SUMF1: variants seen among roughly 807,000 people sequenced by gnomAD.
The protein encoded by SUMF1 is formylglycine-generating enzyme.
In SUMF1, 48 loss-of-function variants were observed where a neutral mutation model predicts 47.6. That is an observed-to-expected ratio of 1.01 (90% CI 0.80 to 1.28). The LOEUF is 1.28. Ranked by LOEUF, SUMF1 falls within the 50% of genes most tolerant of loss-of-function variation. The pLI is 0.00. For missense variants in SUMF1, 571 were observed against 485.4 expected (o/e 1.18, Z -1.66); for synonymous variants, 230 against 192.1 (o/e 1.20, Z -1.63).
At chr3:4,124,179 C>T (rs191878091) in intron 8 of SUMF1, among the ~76,000 whole-genome samples, 38 of 152,230 alleles carry the variant, frequency 2.5e-4, no homozygotes, top group African/African-American at 8.9e-4. Context: ...TTACACGCCA[C>T]CTCCCTGCAC....
intron 8 of SUMF1, among the ~76,000 whole-genome samples, chr3:4,209,486 T>C (rs1695732536): frequency 6.6e-6 from 1 of 152,138 alleles, no homozygotes; most frequent in East Asian, 1.9e-4. Context: ...AGTATTTAAA[T>C]TATTTAATCT....
At chr3:4,132,995 A>G (rs1477588376) in intron 8 of SUMF1, among the ~76,000 whole-genome samples, 3 of 152,138 alleles carry the variant, frequency 2.0e-5, no homozygotes, top group Non-Finnish European at 4.4e-5. Flanking sequence ...GAAAAAAACC[A>G]CAACCTGCTT....
At chr3:4,222,323 C>T (rs1696084318) in intron 8 of SUMF1, among the ~76,000 whole-genome samples, 1 of 152,068 alleles carries the variant, frequency 6.6e-6, no homozygotes, top group South Asian at 2.1e-4. Context: ...TGATCTTCCT[C>T]TACTGAACGC....
intron 1 of SUMF1, among the ~76,000 whole-genome samples, chr3:4,460,627 A>AGT (rs1171989853): frequency 3.5e-5 from 5 of 141,504 alleles, no homozygotes; most frequent in African/African-American, 5.3e-5. Context: ...TGTGTGTGAG[A>AGT]GTGTGTGTGT....
chr3:4,041,653 T>G (rs1272016614), intron 9 of SUMF1, among the ~76,000 whole-genome samples: 1 of 152,166 alleles, frequency 6.6e-6, no homozygotes, highest in East Asian at 1.9e-4. Flanking sequence ...AGTAGCATTT[T>G]TATGCGTAGG....
At chr3:4,130,732 G>T (rs1693769402) in intron 8 of SUMF1, among the ~76,000 whole-genome samples, 1 of 151,966 alleles carries the variant, frequency 6.6e-6, no homozygotes, top group South Asian at 2.1e-4. Flanking sequence ...GAGGCACAAT[G>T]CCTAGTGACC....
At chr3:4,376,160 C>T (rs565582145) in intron 8 of SUMF1, among the ~76,000 whole-genome samples, 170 bp downstream of exon 8, 2 of 152,208 alleles carry the variant, frequency 1.3e-5, no homozygotes, top group African/African-American at 4.8e-5. Flanking sequence ...TTACTTTTCT[C>T]CATGCTTGTA....
intron 8 of SUMF1, among the ~76,000 whole-genome samples, chr3:4,268,974 T>C (rs1464531499): frequency 3.3e-5 from 5 of 152,138 alleles, no homozygotes; most frequent in East Asian, 3.9e-4. Context: ...AAACTGTTCA[T>C]AGGTCTAAAA....
intron 8 of SUMF1, among the ~76,000 whole-genome samples, chr3:4,186,191 C>T (rs540586207): frequency 3.3e-5 from 5 of 152,228 alleles, no homozygotes; most frequent in Non-Finnish European, 7.4e-5. Context: ...AACCTAGAGG[C>T]TCATGCTAAT....
At chr3:4,065,064 C>G (rs1368637975) in intron 9 of SUMF1, among the ~76,000 whole-genome samples, 2 of 152,142 alleles carry the variant, frequency 1.3e-5, no homozygotes, top group African/African-American at 4.8e-5. Context: ...CCTAGTAACT[C>G]TGATTTATGG....
chr3:4,245,323 T>C (rs1172301881), intron 8 of SUMF1, among the ~76,000 whole-genome samples: 1 of 152,096 alleles, frequency 6.6e-6, no homozygotes, highest in Non-Finnish European at 1.5e-5. Context: ...GGCTTTCTGG[T>C]TTTTGAAATT....
chr3:4,291,375 C>G lies in SUMF1; in HGVS notation c.1014+84955G>C, dbSNP rs183511533. ...GCTTGAAATCCATCTCTCTCTCCCCCTCATCTCTGCTCTCTCTCCTTGTCT... is the reference window on the plus strand; with the variant it reads ...GCTTGAAATCCATCTCTCTCTCCCCGTCATCTCTGCTCTCTCTCCTTGTCT... On this transcript the variant is annotated intron_variant and NMD_transcript_variant, in intron 8 of 12. Coordinates refer to the SUMF1 transcript ENST00000448413. Among the ~76,000 whole-genome samples, 474 of 152,236 alleles carry G rather than the reference C, an allele frequency of 3.1e-3. 2 individuals are homozygous for G. Among genetic ancestry groups the G allele is most frequent in the African/African-American group, 0.011 (452 of 41,576 alleles).
chr3:4,271,700 C>G (rs1697308039), intron 8 of SUMF1, among the ~76,000 whole-genome samples: 1 of 152,148 alleles, frequency 6.6e-6, no homozygotes, highest in East Asian at 1.9e-4. Context: ...AGGGGTCTCA[C>G]TCTGTTGCCC....
chr3:4,092,973 G>T (rs1356578754), intron 8 of SUMF1, among the ~76,000 whole-genome samples: 1 of 152,114 alleles, frequency 6.6e-6, no homozygotes, highest in African/African-American at 2.4e-5. Context: ...GTTATTCCAT[G>T]AATGTGCCAA....
intron 8 of SUMF1, chr3:4,312,994 GGCACTT>G (rs1423127698): frequency 1.2e-6 from 2 of 1,613,954 alleles, no homozygotes; most frequent in Admixed American, 3.3e-5. Context: ...CTGCCTCCCT[GGCACTT>G]GCTCCTGTCT....
chr3:4,130,923 T>A (rs1219869936), intron 8 of SUMF1, among the ~76,000 whole-genome samples: 3 of 152,082 alleles, frequency 2.0e-5, no homozygotes, highest in African/African-American at 7.2e-5. Flanking sequence ...ACAGATCCAA[T>A]GGTGCTTGAG....
intron 8 of SUMF1, chr3:4,303,367 G>C: frequency 1.3e-6 from 2 of 1,544,850 alleles, no homozygotes; most frequent in Non-Finnish European, 1.7e-6. Context: ...CGTGAGGCGG[G>C]TAAATGTTCG....
At chr3:4,342,475 G>A (rs774574795) in intron 8 of SUMF1, among the ~76,000 whole-genome samples, 1 of 152,234 alleles carries the variant, frequency 6.6e-6, no homozygotes, top group Non-Finnish European at 1.5e-5. Flanking sequence ...AAAGGTTTCA[G>A]TGAGCTGATA....
At chr3:4,228,827 T>A (rs1055109295) in intron 8 of SUMF1, among the ~76,000 whole-genome samples, 5 of 152,122 alleles carry the variant, frequency 3.3e-5, no homozygotes, top group African/African-American at 1.2e-4. Flanking sequence ...TTACAGCCAT[T>A]ACTAGATGTC....
Sources: allele counts gnomAD v4.1 joint callset (sites outside exome capture counted in the v4.1 genomes callset), GRCh38; gene constraint gnomAD v4.1.1; transcripts MANE v1.5; gene names NCBI Gene and HGNC (gene_info 2026-07-23, HGNC 2026-07-21).